Variants in LRRC38 observed in about 807,000 individuals in gnomAD.
The protein encoded by LRRC38 is leucine rich repeat containing 38.
LRRC38 carries 5 observed loss-of-function variants against 16.4 expected under a neutral mutation model. The ratio of observed to expected loss-of-function variants is 0.31; its 90% CI spans 0.16 to 0.64. LRRC38 has a LOEUF of 0.64. Ranked by LOEUF, LRRC38 falls within the 30% of genes least tolerant of loss-of-function variation. The pLI is 0.80. For synonymous variants in LRRC38, 191 were observed against 190.2 expected (o/e 1.00, Z -0.04); for missense variants, 341 against 401.8 (o/e 0.85, Z 1.29).
intron 1 of LRRC38, among the ~76,000 whole-genome samples, chr1:13,477,905 G>C (rs2661454): frequency 6.6e-6 from 1 of 152,192 alleles, no homozygotes; most frequent in South Asian, 2.1e-4. Flanking sequence ...GGAGAATTTA[G>C]CATCAGCTTA....
At chr1:13,511,832 A>G (rs1317713855) in intron 1 of LRRC38, among the ~76,000 whole-genome samples, 1 of 152,148 alleles carries the variant, frequency 6.6e-6, no homozygotes, top group Non-Finnish European at 1.5e-5. Context: ...AGGGGCCTGC[A>G]TTTGCTGAAG....
intron 1 of LRRC38, among the ~76,000 whole-genome samples, chr1:13,505,590 G>C (rs2924862): frequency 6.6e-6 from 1 of 152,054 alleles, no homozygotes; most frequent in Non-Finnish European, 1.5e-5. Flanking sequence ...AGCAGCAGGC[G>C]TGCTGGCCTC....
intron 1 of LRRC38, among the ~76,000 whole-genome samples, chr1:13,506,825 C>A (rs1412508182): frequency 6.6e-6 from 1 of 152,238 alleles, no homozygotes; most frequent in Non-Finnish European, 1.5e-5. Context: ...CTCATCCCTG[C>A]AAACCATGTT....
intron 1 of LRRC38, among the ~76,000 whole-genome samples, chr1:13,478,375 T>C (rs1408127631): frequency 6.6e-6 from 1 of 152,244 alleles, no homozygotes; most frequent in Non-Finnish European, 1.5e-5. Flanking sequence ...ACTGAGAGCA[T>C]GTGCATAGCT....
At chr1:13,504,800 CAG>C (rs1181737331) in intron 1 of LRRC38, among the ~76,000 whole-genome samples, 1 of 107,854 alleles carries the variant, frequency 9.3e-6, no homozygotes, top group African/African-American at 3.7e-5. Context: ...AAAGAAGAGA[CAG>C]AGAGAAAGAA....
intron 1 of LRRC38, among the ~76,000 whole-genome samples, chr1:13,506,512 C>T (rs1324566944): frequency 1.3e-5 from 2 of 152,184 alleles, no homozygotes; most frequent in Non-Finnish European, 2.9e-5. Context: ...GGCTGGAGTG[C>T]AGTGGCATGA....
chr1:13,505,097 A>T (rs1255334395), intron 1 of LRRC38, among the ~76,000 whole-genome samples: 1 of 152,160 alleles, frequency 6.6e-6, no homozygotes. Context: ...TGAATTGATA[A>T]GCAAAGCTGT....
intron 1 of LRRC38, among the ~76,000 whole-genome samples, chr1:13,479,926 T>C (rs1638830968): frequency 6.6e-6 from 1 of 152,232 alleles, no homozygotes; most frequent in Non-Finnish European, 1.5e-5. Context: ...TGGCCATCAC[T>C]GACATTTGGG....
chr1:13,479,109 T>C (rs1638821633), intron 1 of LRRC38, among the ~76,000 whole-genome samples: 1 of 151,686 alleles, frequency 6.6e-6, no homozygotes, highest in Non-Finnish European at 1.5e-5. Flanking sequence ...CTTTATCTTT[T>C]AAAAAATAAA....
rs933291052 is a variant in LRRC38, at chr1:13,487,763, C to T, written c.632-11664G>A. ...TTAGATTGAGATTAATCTCTTGCACCGGACCGGCCCCTTGCCAACAAACAG... is the reference window on the plus strand; with the variant it reads ...TTAGATTGAGATTAATCTCTTGCACTGGACCGGCCCCTTGCCAACAAACAG... On this transcript the variant is annotated intron_variant, in intron 1 of 1. Transcript: ENST00000376085. This position sits in a 1 kb window ranked among gnomAD's most constrained non-coding sequence, Gnocchi z 4.4. Among the ~76,000 whole-genome samples, 5 of 152,118 alleles carry T rather than the reference C, an allele frequency of 3.3e-5. No homozygotes were observed. Among genetic ancestry groups the T allele is most frequent in the East Asian group, 3.9e-4 (2 of 5,178 alleles).
chr1:13,496,833 G>C (rs1639085863), intron 1 of LRRC38, among the ~76,000 whole-genome samples: 1 of 152,164 alleles, frequency 6.6e-6, no homozygotes. Context: ...AGAGGAGCAG[G>C]GGGACAGGGA....
At chr1:13,511,787 G>C (rs907752908) in intron 1 of LRRC38, among the ~76,000 whole-genome samples, 2 of 152,058 alleles carry the variant, frequency 1.3e-5, no homozygotes, top group Non-Finnish European at 2.9e-5. Context: ...ATCGTTTTAG[G>C]AATTTCAGCC....
At chr1:13,502,328 CCTT>C (rs1367556937) in intron 1 of LRRC38, among the ~76,000 whole-genome samples, 5 of 152,136 alleles carry the variant, frequency 3.3e-5, no homozygotes, top group Non-Finnish European at 7.3e-5. Context: ...GGCTGTCTAT[CCTT>C]CTGGTCACTT....
At chr1:13,505,309 G>C (rs1009060458) in intron 1 of LRRC38, among the ~76,000 whole-genome samples, 1 of 152,200 alleles carries the variant, frequency 6.6e-6, no homozygotes, top group East Asian at 1.9e-4. Flanking sequence ...CTGCGGCTCA[G>C]GGGGCTACCG....
At chr1:13,506,467 C>CT (rs937216578) in intron 1 of LRRC38, among the ~76,000 whole-genome samples, 18 of 151,770 alleles carry the variant, frequency 1.2e-4, no homozygotes, top group South Asian at 2.1e-4. Flanking sequence ...TTTCTTTTTT[C>CT]TTTTTTTTGA....
intron 1 of LRRC38, among the ~76,000 whole-genome samples, chr1:13,512,673 C>T (rs1569943561): frequency 1.3e-5 from 2 of 152,248 alleles, no homozygotes; most frequent in South Asian, 2.1e-4. Flanking sequence ...GGACCCAAAG[C>T]CCAGGGAGAT....
chr1:13,485,578 G>A (rs976465815), intron 1 of LRRC38, among the ~76,000 whole-genome samples: 3 of 151,172 alleles, frequency 2.0e-5, no homozygotes, highest in African/African-American at 7.3e-5. Context: ...AAAAAAAAAA[G>A]AAGAAGAAGA....
In LRRC38 at chr1:13,513,598, G is replaced by A. The variant is rs1451508432; in HGVS notation, c.-5C>T. The A allele has an allele frequency of 1.6e-5, 18 of 1,115,452 alleles. No homozygotes were observed. The highest frequency in any genetic ancestry group is 1.9e-5 in the Non-Finnish European group (17 of 914,882). The allele number at this position is 1,115,452 out of a possible 1,614,324, so 69.1% of individuals were successfully genotyped here. ...GGCTGGGGCTCGGGGGCGCATGGCCGGGGGGCCCGCGCCGGCCGCGGCGAG... is the reference window on the plus strand; with the variant it reads ...GGCTGGGGCTCGGGGGCGCATGGCCAGGGGGCCCGCGCCGGCCGCGGCGAG... On this transcript the variant is annotated 5_prime_UTR_variant, in exon 1 of 2. Transcript: ENST00000376085.
At chr1:13,483,128 T>A (rs1302548178) in intron 1 of LRRC38, among the ~76,000 whole-genome samples, 2 of 151,656 alleles carry the variant, frequency 1.3e-5, no homozygotes, top group Non-Finnish European at 2.9e-5. Context: ...CGAGGCACAG[T>A]GTCTTTTTTT....
Sources: allele counts gnomAD v4.1 joint callset (sites outside exome capture counted in the v4.1 genomes callset), GRCh38; gene constraint gnomAD v4.1.1; non-coding constraint Gnocchi (gnomAD v3.1); transcripts MANE v1.5; gene names NCBI Gene and HGNC (gene_info 2026-07-23, HGNC 2026-07-21).